RAPH1: variants seen among roughly 807,000 people sequenced by gnomAD.
The protein encoded by RAPH1 is ras-associated and pleckstrin homology domains-containing protein 1.
In RAPH1, 18 loss-of-function variants were observed where a neutral mutation model predicts 88.1. The observed-to-expected ratio is 0.20, with a 90% confidence interval of 0.14 to 0.30. RAPH1 has a LOEUF of 0.30. RAPH1 is among the 10% of genes least tolerant of loss of function. RAPH1 has a pLI of 1.00. For missense variants in RAPH1, 1,448 were observed against 1,543.2 expected (o/e 0.94, Z 1.03); for synonymous variants, 587 against 559.0 (o/e 1.05, Z -0.71).
Position 203,506,756 on chromosome 2 carries a change from ATC to A in RAPH1, c.1-11405_1-11404del, listed in dbSNP as rs200930028. On this transcript the variant is annotated intron_variant, in intron 1 of 13. Transcript: ENST00000319170. The stretch of plus-strand genomic sequence containing the variant: ...TAGATATATATCTATATATATATAT[ATC>A]TATATATATATCTATATATATCTAG... Among the ~76,000 whole-genome samples, 116 of 123,420 alleles carry A rather than the reference ATC, an allele frequency of 9.4e-4. 9 individuals are homozygous for A. Among genetic ancestry groups the A allele is most frequent in the African/African-American group, 3.2e-3 (85 of 26,348 alleles). The allele number at this position is 123,420 out of a possible 152,430, so 81.0% of individuals were successfully genotyped here.
At chr2:203,479,684 G>T (rs1370465348) in intron 4 of RAPH1, among the ~76,000 whole-genome samples, 1 of 151,588 alleles carries the variant, frequency 6.6e-6, no homozygotes, top group Non-Finnish European at 1.5e-5. Flanking sequence ...CAGTATGACG[G>T]AATACTATAG....
At chr2:203,513,156 T>C (rs1374463677) in intron 1 of RAPH1, among the ~76,000 whole-genome samples, 1 of 151,926 alleles carries the variant, frequency 6.6e-6, no homozygotes, top group Admixed American at 6.6e-5. Context: ...AGCTAGAACT[T>C]TGAGTTAAAT....
rs879041634 is a variant in RAPH1, at chr2:203,495,005, T to C, written c.120+229A>G. 5.3e-5 allele frequency among the ~76,000 whole-genome samples: 8 copies of C among 152,274 alleles called. No individual in the cohort carries two copies. The South Asian group carries it at 1.4e-3, about 28-fold the overall frequency. ...ACATATATTAAGTAACCCCTCTAGATGAACAGAGCCTCTCTCACAAGTATT... is the reference window on the plus strand; with the variant it reads ...ACATATATTAAGTAACCCCTCTAGACGAACAGAGCCTCTCTCACAAGTATT... On this transcript the variant is annotated intron_variant, in intron 2 of 13. Coordinates refer to ENST00000319170, the MANE Select transcript of RAPH1 (RefSeq NM_213589.3).
intron 4 of RAPH1, among the ~76,000 whole-genome samples, chr2:203,481,624 C>G (rs1303961852): frequency 6.8e-6 from 1 of 148,052 alleles, no homozygotes; most frequent in Non-Finnish European, 1.5e-5. Context: ...TGGAGGCTCG[C>G]TCTGTCACCC....
intron 1 of RAPH1, among the ~76,000 whole-genome samples, chr2:203,510,517 T>A (rs148011250): frequency 1.2e-4 from 18 of 151,912 alleles, no homozygotes; most frequent in African/African-American, 4.1e-4. Context: ...CAGGGTGGCA[T>A]CCCCCAGGCA....
At chr2:203,510,259 C>T (rs906047925) in intron 1 of RAPH1, among the ~76,000 whole-genome samples, 2 of 139,116 alleles carry the variant, frequency 1.4e-5, no homozygotes, top group African/African-American at 2.8e-5. Context: ...TTGCTTGAAC[C>T]TGGGAGGCAG....
chr2:203,520,965 C>T (rs896988646), intron 1 of RAPH1, among the ~76,000 whole-genome samples: 5 of 152,180 alleles, frequency 3.3e-5, no homozygotes, highest in Non-Finnish European at 1.5e-5. Context: ...ATGGAAAAAT[C>T]GGCTCATTCT....
At chr2:203,490,700 T>C (rs1688219695) in intron 3 of RAPH1, among the ~76,000 whole-genome samples, 1 of 152,196 alleles carries the variant, frequency 6.6e-6, no homozygotes, top group South Asian at 2.1e-4. Flanking sequence ...TCTAGTTTGC[T>C]TTTCTCTGTG....
At chr2:203,442,136 TATC>T in intron 13 of RAPH1, 3 of 1,516,576 alleles carry the variant, frequency 2.0e-6, no homozygotes, top group South Asian at 1.3e-5. Flanking sequence ...ACTGTAAAAA[TATC>T]ATACAGAAAA....
intron 4 of RAPH1, among the ~76,000 whole-genome samples, chr2:203,467,950 T>G (rs1267086769): frequency 1.3e-5 from 2 of 151,808 alleles, no homozygotes; most frequent in Non-Finnish European, 2.9e-5. Context: ...GTATTTTTTT[T>G]GTAGAGATGG....
intron 4 of RAPH1, among the ~76,000 whole-genome samples, chr2:203,479,475 G>A (rs554010069): frequency 7.9e-5 from 12 of 152,092 alleles, no homozygotes; most frequent in Admixed American, 3.9e-4. Context: ...GTGGTGACTC[G>A]TGCCTGTAGT....
At chr2:203,497,892 C>T (rs1418968906) in intron 1 of RAPH1, among the ~76,000 whole-genome samples, 1 of 152,058 alleles carries the variant, frequency 6.6e-6, no homozygotes, top group East Asian at 1.9e-4. Flanking sequence ...AAGTGATCTA[C>T]CCAGGAAAAA....
rs1245625236 is a variant in RAPH1 at position 203,434,339 on chromosome 2, A to ACTC, written c.*5095_*5097dup. On this transcript the variant is annotated 3_prime_UTR_variant, in exon 14 of 14. Coordinates refer to ENST00000319170, the MANE Select transcript of RAPH1 (RefSeq NM_213589.3). Reference sequence around the variant, plus strand: ...AGCCTACAAGTTGGTGTGAGCCTTGACTCTTGTTTTTTAAAGAACTGAGGG... The same window carrying ACTC: ...AGCCTACAAGTTGGTGTGAGCCTTGACTCCTCTTGTTTTTTAAAGAACTGAGGG... The ACTC allele has an allele frequency of 2.6e-5, 4 of 152,470 alleles. No homozygotes were observed. Among genetic ancestry groups the ACTC allele is most frequent in the Admixed American group, 2.0e-4 (3 of 15,272 alleles). The allele number at this position is 152,470 out of a possible 1,614,324, so 9.4% of individuals were successfully genotyped here. A position where few individuals can be genotyped will look rare whatever the true frequency, so the allele number is the denominator to read the frequency against.
At chr2:203,520,814 T>C (rs1042737587) in intron 1 of RAPH1, among the ~76,000 whole-genome samples, 1 of 152,134 alleles carries the variant, frequency 6.6e-6, no homozygotes, top group African/African-American at 2.4e-5. Flanking sequence ...ATATTCCTCA[T>C]CACTTTGGAG....
At chr2:203,469,856 A>T (rs1329576437) in intron 4 of RAPH1, among the ~76,000 whole-genome samples, 1 of 152,226 alleles carries the variant, frequency 6.6e-6, no homozygotes, top group Non-Finnish European at 1.5e-5. Context: ...TGATAATATA[A>T]ACAAGAACTA....
In RAPH1 at chr2:203,434,056, C is replaced by CTATCTATCTATCTATATA. The variant is rs1488308709; in HGVS notation, c.*5380_*5381insTATATAGATAGATAGATA. On this transcript the variant is annotated 3_prime_UTR_variant, in exon 14 of 14. Transcript: ENST00000319170. The stretch of plus-strand genomic sequence containing the variant: ...CTCTCTCATATATCTATCTATCTAT[C>CTATCTATCTATCTATATA]TATATATATATATATATATATATAG... The CTATCTATCTATCTATATA allele has an allele frequency of 6.9e-6, 1 of 145,646 alleles. No individual in the cohort carries two copies. Among genetic ancestry groups the CTATCTATCTATCTATATA allele is most frequent in the African/African-American group, 2.5e-5 (1 of 39,222 alleles). 9.0% of individuals were successfully genotyped at this position (145,646 alleles called of 1,614,324 possible). A position where few individuals can be genotyped will look rare whatever the true frequency, so the allele number is the denominator to read the frequency against.
rs1475427161 is a variant in RAPH1 at position 203,434,959 on chromosome 2, C to T, written c.*4478G>A. Reference sequence around the variant, plus strand: ...CCTTCCTTTACTTTCATTAGCACCTCAAAGTTTGCTTGCTGGATTTCTTTA... The same window carrying T: ...CCTTCCTTTACTTTCATTAGCACCTTAAAGTTTGCTTGCTGGATTTCTTTA... On this transcript the variant is annotated 3_prime_UTR_variant, in exon 14 of 14. Coordinates refer to ENST00000319170, the MANE Select transcript of RAPH1 (RefSeq NM_213589.3). 1.3e-5 allele frequency: 2 copies of T among 152,616 alleles called. No individual in the cohort carries two copies. The highest frequency in any genetic ancestry group is 2.9e-5 in the Non-Finnish European group (2 of 68,048). The allele number at this position is 152,616 out of a possible 1,614,324, so 9.5% of individuals were successfully genotyped here. A position where few individuals can be genotyped will look rare whatever the true frequency, so the allele number is the denominator to read the frequency against.
chr2:203,512,040 G>C (rs945674132), intron 1 of RAPH1, among the ~76,000 whole-genome samples: 1 of 151,894 alleles, frequency 6.6e-6, no homozygotes, highest in African/African-American at 2.4e-5. Context: ...TTGAACTCAG[G>C]AGGCAGAGGT....
Position 203,462,032 on chromosome 2 carries a change from T to C in RAPH1, c.733-107A>G, listed in dbSNP as rs1581282871. On this transcript the variant is annotated intron_variant, in intron 4 of 13. Coordinates refer to ENST00000319170, the MANE Select transcript of RAPH1 (RefSeq NM_213589.3). ...CCAGCAATAAATTTCATTAAGAATA[T>C]AACTACACACAGAGCACATTTAAAA... The C allele has an allele frequency of 1.1e-5, 9 of 785,386 alleles. No homozygotes were observed. In the East Asian group the frequency reaches 2.4e-4, roughly 21 times the overall value. 48.7% of individuals were successfully genotyped at this position (785,386 alleles called of 1,614,324 possible). A position where few individuals can be genotyped will look rare whatever the true frequency, so the allele number is the denominator to read the frequency against.
Sources: allele counts gnomAD v4.1 joint callset (sites outside exome capture counted in the v4.1 genomes callset), GRCh38; gene constraint gnomAD v4.1.1; transcripts MANE v1.5; gene names NCBI Gene and HGNC (gene_info 2026-07-23, HGNC 2026-07-21).